The following MSH3 variants were observed in gnomAD, a reference collection of about 807,000 sequenced individuals.
The protein encoded by MSH3 is DNA mismatch repair protein Msh3.
A neutral mutation model predicts 123.3 loss-of-function variants in MSH3; 106 were observed. The observed-to-expected ratio is 0.86, with a 90% CI of 0.73 to 1.01. MSH3 has a LOEUF of 1.01. Among genes scored for constraint, MSH3 ranks in the 50% least tolerant of loss-of-function variants. MSH3 has a pLI of 0.00. For missense variants in MSH3, 1,459 were observed against 1,347.6 expected, an observed-to-expected ratio of 1.08 and a Z score of -1.29; for synonymous variants, 515 against 481.4, an observed-to-expected ratio of 1.07 and a Z score of -0.91.
chr5:80,745,202 C>T (rs1424707483), intron 12 of MSH3, among the ~76,000 whole-genome samples: 2 of 152,318 alleles, frequency 1.3e-5, no homozygotes, highest in Admixed American at 1.3e-4. Context: ...ACCTGGGATG[C>T]TTCACAAAAT....
chr5:80,865,979 G>C (rs1318747650), intron 22 of MSH3, among the ~76,000 whole-genome samples: 1 of 152,182 alleles, frequency 6.6e-6, no homozygotes, highest in Admixed American at 6.5e-5. Flanking sequence ...AGGTTGACAA[G>C]AGGAGACTTA....
chr5:80,824,239 C>A (rs981414302), intron 20 of MSH3, among the ~76,000 whole-genome samples: 14 of 152,114 alleles, frequency 9.2e-5, no homozygotes, highest in Non-Finnish European at 1.9e-4. Context: ...GGCGGCCGGG[C>A]AGAGGGGCTC....
At chr5:80,850,955 TA>T (rs1355327337) in intron 20 of MSH3, among the ~76,000 whole-genome samples, 1 of 152,214 alleles carries the variant, frequency 6.6e-6, no homozygotes, top group Admixed American at 6.5e-5. Context: ...GTCCTTTTTC[TA>T]GCAGACTCCT....
intron 13 of MSH3, among the ~76,000 whole-genome samples, chr5:80,764,385 T>G (rs1444091414): frequency 1.3e-5 from 2 of 152,010 alleles, no homozygotes; most frequent in African/African-American, 2.4e-5. Context: ...TCTTCTTCTT[T>G]TTTTTTTTGA....
At chr5:80,789,368 CTTTTTTTTTTTTTTTTTCCTGAG>C (rs2112022521) in intron 18 of MSH3, among the ~76,000 whole-genome samples, 1 of 139,118 alleles carries the variant, frequency 7.2e-6, no homozygotes, top group South Asian at 2.3e-4. Context: ...ACTGTAGTCA[CTTTTTTTTTTTTTTTTTCCTGAG>C]ACAGAGTCTC....
chr5:80,838,568 C>A (rs1745559170), intron 20 of MSH3, among the ~76,000 whole-genome samples: 1 of 152,160 alleles, frequency 6.6e-6, no homozygotes, highest in Non-Finnish European at 1.5e-5. Context: ...AATGATTTAC[C>A]TATATTAAAT....
At chr5:80,788,802 CAAAA>C (rs199590090) in intron 18 of MSH3, among the ~76,000 whole-genome samples, 2 of 90,158 alleles carry the variant, frequency 2.2e-5, no homozygotes, top group Non-Finnish European at 5.1e-5. Flanking sequence ...GAGCCTGTCT[CAAAA>C]AAAAAAAAAA....
chr5:80,740,344 G>GT (rs1244165728), intron 10 of MSH3, among the ~76,000 whole-genome samples: 7 of 149,284 alleles, frequency 4.7e-5, no homozygotes, highest in Middle Eastern at 3.4e-3. Flanking sequence ...GGTAATGTGT[G>GT]TTTTTTTTCT....
At chr5:80,832,690 C>T (rs1008249266) in intron 20 of MSH3, among the ~76,000 whole-genome samples, 1 of 151,330 alleles carries the variant, frequency 6.6e-6, no homozygotes, top group Non-Finnish European at 1.5e-5. Context: ...TACCACTGAG[C>T]TGTGTACCTA....
chr5:80,688,868 T>A (rs1230351227), intron 8 of MSH3, among the ~76,000 whole-genome samples: 1 of 152,174 alleles, frequency 6.6e-6, no homozygotes, highest in African/African-American at 2.4e-5. Context: ...GGTACCAATT[T>A]CGTGATTGCA....
intron 23 of MSH3, among the ~76,000 whole-genome samples, chr5:80,875,314 G>GAA (rs771260780): frequency 1.4e-5 from 2 of 143,290 alleles, no homozygotes. Flanking sequence ...CTATTCTGCA[G>GAA]AAAAAAAAAA....
chr5:80,682,376 T>G (rs1446791469), intron 8 of MSH3, among the ~76,000 whole-genome samples: 3 of 152,160 alleles, frequency 2.0e-5, no homozygotes, highest in Admixed American at 2.0e-4. Context: ...AAATAGTACC[T>G]GCTGTAGAAG....
chr5:80,656,304 G>A (rs1749281966), intron 1 of MSH3, 107 bp from the exon 2 acceptor site: 1 of 1,420,390 alleles, frequency 7.0e-7, no homozygotes, highest in East Asian at 2.3e-5. Context: ...TTGAAGAGTG[G>A]ATGGCAAGGA....
At chr5:80,735,316 G>A (rs1045032217) in intron 10 of MSH3, among the ~76,000 whole-genome samples, 8 of 150,682 alleles carry the variant, frequency 5.3e-5, no homozygotes, top group African/African-American at 1.5e-4. Flanking sequence ...CCTAGGAGGC[G>A]GAGGTTCCAG....
At chr5:80,703,548 C>G (rs1750655432) in intron 8 of MSH3, among the ~76,000 whole-genome samples, 1 of 152,080 alleles carries the variant, frequency 6.6e-6, no homozygotes, top group Non-Finnish European at 1.5e-5. Context: ...CCTCCTGTCA[C>G]ACTCTGTCAT....
intron 18 of MSH3, among the ~76,000 whole-genome samples, chr5:80,790,141 A>G (rs1744583036): frequency 6.6e-6 from 1 of 152,190 alleles, no homozygotes; most frequent in Non-Finnish European, 1.5e-5. Context: ...AGCTTTGGGA[A>G]ACACTTGGAC....
intron 10 of MSH3, among the ~76,000 whole-genome samples, chr5:80,738,576 G>A (rs1455094664): frequency 6.6e-6 from 1 of 152,120 alleles, no homozygotes; most frequent in African/African-American, 2.4e-5. Flanking sequence ...TTCATATGAG[G>A]GAGGAGGCAA....
chr5:80,742,985 C>T (rs917380831), intron 11 of MSH3, among the ~76,000 whole-genome samples: 16 of 152,214 alleles, frequency 1.1e-4, no homozygotes, highest in Admixed American at 5.2e-4. Flanking sequence ...CTTTATTGGA[C>T]CTTGCACCAT....
intron 4 of MSH3, among the ~76,000 whole-genome samples, chr5:80,671,805 T>G (rs551729834): frequency 2.6e-5 from 4 of 152,212 alleles, no homozygotes; most frequent in Non-Finnish European, 5.9e-5. Flanking sequence ...GGGGTTTCTC[T>G]TTTTACTTTT....
Sources: gnomAD v4.1 joint callset for allele counts (sites outside exome capture counted in the v4.1 genomes callset) on GRCh38, gnomAD v4.1.1 for gene constraint, MANE v1.5 for transcripts, NCBI Gene and HGNC (gene_info 2026-07-23, HGNC 2026-07-21) for gene names.